ELP4: variants seen among roughly 807,000 people sequenced by gnomAD.
The protein encoded by ELP4 is elongator acetyltransferase complex subunit 4, also known as elongator complex protein 4.
In ELP4, 51 loss-of-function variants were observed where a neutral mutation model predicts 48.9. That is an observed-to-expected ratio of 1.04 (90% CI 0.83 to 1.32). The LOEUF (loss-of-function observed/expected upper bound fraction) is 1.32. Among genes scored for constraint, ELP4 ranks in the 40% most tolerant of loss-of-function variants. The pLI is 0.00. For synonymous variants in ELP4, 210 were observed against 189.2 expected, an observed-to-expected ratio of 1.11 and a Z score of -0.90; for missense variants, 519 against 514.6, an observed-to-expected ratio of 1.01 and a Z score of -0.08.
intron 5 of ELP4, among the ~76,000 whole-genome samples, chr11:31,615,575 T>G (rs1195351264): frequency 6.6e-6 from 1 of 152,072 alleles, no homozygotes; most frequent in African/African-American, 2.4e-5. Context: ...TGGGCAAATA[T>G]TTTTCATCTG....
Position 31,790,109 on chromosome 11 carries a change from A to AAAAAC in ELP4, c.*6589_*6590insCAAAA. On this transcript the variant is annotated 3_prime_UTR_variant, in exon 10 of 10. Transcript: ENST00000640961. ...ATTTATAGGTTTACAAAAAAAAAAAAAAAAAAAAAAACTAATACTTTCTAA... is the reference window on the plus strand; with the variant it reads ...ATTTATAGGTTTACAAAAAAAAAAAAAAAACAAAAAAAAAAACTAATACTTTCTAA... 1.3e-6 allele frequency: 1 copy of AAAAAC among 797,256 alleles called. No homozygotes were observed. The allele number at this position is 797,256 out of a possible 1,614,324, so 49.4% of individuals were successfully genotyped here. A position where few individuals can be genotyped will look rare whatever the true frequency, so the allele number is the denominator to read the frequency against.
intron 9 of ELP4, among the ~76,000 whole-genome samples, chr11:31,754,144 C>G (rs1048015077): frequency 1.3e-5 from 2 of 152,168 alleles, no homozygotes; most frequent in Admixed American, 6.5e-5. Flanking sequence ...TCATATCTTG[C>G]TATCATCCAC....
At chr11:31,598,503 CTTTT>C (rs10702222) in intron 4 of ELP4, among the ~76,000 whole-genome samples, 2 of 77,740 alleles carry the variant, frequency 2.6e-5, no homozygotes, top group African/African-American at 5.2e-5. Context: ...TTTTCTTCTT[CTTTT>C]TTTTTTTTTT....
intron 9 of ELP4, among the ~76,000 whole-genome samples, chr11:31,716,534 T>C (rs896071888): frequency 2.0e-5 from 3 of 152,212 alleles, no homozygotes; most frequent in African/African-American, 7.2e-5. Context: ...ATAAATGCCA[T>C]ATAAGTGTTA....
At chr11:31,588,770 G>A (rs1340699548) in intron 3 of ELP4, among the ~76,000 whole-genome samples, 3 of 152,114 alleles carry the variant, frequency 2.0e-5, no homozygotes, top group Non-Finnish European at 4.4e-5. Flanking sequence ...ATCACTTGAG[G>A]TCAGGAGTTC....
At chr11:31,608,266 G>A (rs964877602) in intron 5 of ELP4, among the ~76,000 whole-genome samples, 1 of 151,990 alleles carries the variant, frequency 6.6e-6, no homozygotes, top group Non-Finnish European at 1.5e-5. Context: ...ATGGGGGTTA[G>A]GGACCATGGG....
Position 31,786,929 on chromosome 11 carries a change from G to A in ELP4, c.*3405G>A, listed in dbSNP as rs1479563307. 1 of 220,418 alleles carries A rather than the reference G, an allele frequency of 4.5e-6. No homozygotes were observed. The highest frequency in any genetic ancestry group is 9.1e-6 in the Non-Finnish European group (1 of 110,090). The allele number at this position is 220,418 out of a possible 1,614,324, so 13.7% of individuals were successfully genotyped here. A position where few individuals can be genotyped will look rare whatever the true frequency, so the allele number is the denominator to read the frequency against. On this transcript the variant is annotated 3_prime_UTR_variant, in exon 10 of 10. Coordinates refer to ENST00000640961, the MANE Select transcript of ELP4 (RefSeq NM_019040.5). ...AGACGTTTAGTCCTGGGATTCTACT[G>A]AAGTCTTCACAAATAATCTCCATCC...
intron 9 of ELP4, among the ~76,000 whole-genome samples, chr11:31,721,279 T>C (rs934414815): frequency 6.6e-6 from 1 of 152,186 alleles, no homozygotes; most frequent in Non-Finnish European, 1.5e-5. Context: ...TGTGTAAATC[T>C]AGTCTGATGC....
intron 5 of ELP4, among the ~76,000 whole-genome samples, chr11:31,619,536 C>T (rs1944570660): frequency 6.6e-6 from 1 of 151,888 alleles, no homozygotes; most frequent in African/African-American, 2.4e-5. Context: ...TCTGTGTAAC[C>T]TCGGGCATGG....
chr11:31,771,898 C>T (rs1486554002), intron 9 of ELP4, among the ~76,000 whole-genome samples: 1 of 151,948 alleles, frequency 6.6e-6, no homozygotes, highest in East Asian at 2.0e-4. Flanking sequence ...GGGAGAATGG[C>T]GTGAACCCAG....
chr11:31,697,387 G>C (rs1363019934), intron 9 of ELP4, among the ~76,000 whole-genome samples: 1 of 151,940 alleles, frequency 6.6e-6, no homozygotes, highest in African/African-American at 2.4e-5. Context: ...TATTATAATG[G>C]AAGAGGAAAG....
chr11:31,639,047 G>A (rs535337201), intron 7 of ELP4, among the ~76,000 whole-genome samples: 50 of 151,852 alleles, frequency 3.3e-4, no homozygotes, highest in Admixed American at 7.2e-4. Flanking sequence ...CTTTTTAAAT[G>A]CACTTTATTA....
chr11:31,789,511 G>A lies in ELP4; in HGVS notation c.*5987G>A, dbSNP rs892037921. On this transcript the variant is annotated 3_prime_UTR_variant, in exon 10 of 10. Transcript: ENST00000640961. ...ATAAACTATGAACAGATGGGTAGAAGTATTCGATATATCTTGATAAAACTC... is the reference window on the plus strand; with the variant it reads ...ATAAACTATGAACAGATGGGTAGAAATATTCGATATATCTTGATAAAACTC... 23 of 586,798 alleles carry A rather than the reference G, an allele frequency of 3.9e-5. No homozygotes were observed. Among genetic ancestry groups the A allele is most frequent in the Non-Finnish European group, 6.9e-5 (23 of 334,906 alleles). 36.3% of individuals were successfully genotyped at this position (586,798 alleles called of 1,614,324 possible).
At chr11:31,741,843 CCTT>C (rs1947459108) in intron 9 of ELP4, among the ~76,000 whole-genome samples, 1 of 152,184 alleles carries the variant, frequency 6.6e-6, no homozygotes. Flanking sequence ...CAGCGCCTCT[CCTT>C]CTGCAAAGGA....
In ELP4 at chr11:31,585,437, A is replaced by T. The variant is rs1166749993; in HGVS notation, c.382-9333A>T. On this transcript the variant is annotated intron_variant, in intron 3 of 9. Coordinates refer to ENST00000640961, the MANE Select transcript of ELP4 (RefSeq NM_019040.5). ...AGAATAAAGAGCCTGGGTATTATTA[A>T]AAAAAAAAAAAAGATTGCACTTAAT... Among the ~76,000 whole-genome samples, 12 of 143,510 alleles carry T rather than the reference A, an allele frequency of 8.4e-5. No individual in the cohort carries two copies. In the South Asian group the frequency reaches 1.6e-3, roughly 19 times the overall value. 94.1% of individuals were successfully genotyped at this position (143,510 alleles called of 152,430 possible).
intron 3 of ELP4, among the ~76,000 whole-genome samples, chr11:31,562,960 G>C (rs967843298): frequency 1.3e-5 from 2 of 151,978 alleles, no homozygotes; most frequent in African/African-American, 4.8e-5. Context: ...GATATTTGTA[G>C]TACTTTTGTA....
chr11:31,574,645 C>T (rs1957241800), intron 3 of ELP4, among the ~76,000 whole-genome samples: 1 of 152,188 alleles, frequency 6.6e-6, no homozygotes, highest in Non-Finnish European at 1.5e-5. Context: ...TGTTCTACAG[C>T]CTCCACTGGT....
At chr11:31,596,177 G>A (rs1045707482) in intron 4 of ELP4, among the ~76,000 whole-genome samples, 1 of 152,114 alleles carries the variant, frequency 6.6e-6, no homozygotes, top group Non-Finnish European at 1.5e-5. Context: ...GGCCGAGGCG[G>A]GTGGATCACA....
intron 9 of ELP4, among the ~76,000 whole-genome samples, chr11:31,704,369 C>T (rs1024881569): frequency 1.5e-4 from 23 of 152,072 alleles, no homozygotes; most frequent in Non-Finnish European, 3.1e-4. Flanking sequence ...CCATCATTCT[C>T]AGCAAACTAT....
Sources: allele counts gnomAD v4.1 joint callset (sites outside exome capture counted in the v4.1 genomes callset), GRCh38; gene constraint gnomAD v4.1.1; transcripts MANE v1.5; gene names NCBI Gene and HGNC (gene_info 2026-07-23, HGNC 2026-07-21).